The following MLANA variants were observed in gnomAD, a reference collection of about 807,000 sequenced individuals.
MLANA encodes melan-A.
MLANA carries 21 observed loss-of-function variants against 15.7 expected under a neutral mutation model. The ratio of observed to expected loss-of-function variants is 1.33; its 90% CI spans 0.95 to 1.92. The LOEUF (loss-of-function observed/expected upper bound fraction) is 1.92. MLANA is among the 40% of genes most tolerant of loss of function. The pLI, the probability that MLANA is intolerant of heterozygous loss-of-function variation, is 0.00. For missense variants in MLANA, 164 were observed against 143.8 expected, an observed-to-expected ratio of 1.14 and a Z score of -0.72; for synonymous variants, 56 against 51.5, an observed-to-expected ratio of 1.09 and a Z score of -0.37.
At position 5,905,066 on chromosome 9, in the gene MLANA, C is replaced by A. The variant is rs138871174; in HGVS notation, c.175-1819C>A. On this transcript the variant is annotated intron_variant, in intron 3 of 4. Transcript: ENST00000381477. ...GCGATTACAGGTGTGAGCCACCGTGCCCGGCCTTATACTTCTTTTTTACTT... is the reference window on the plus strand; with the variant it reads ...GCGATTACAGGTGTGAGCCACCGTGACCGGCCTTATACTTCTTTTTTACTT... Among the ~76,000 whole-genome samples the A allele has an allele frequency of 4.9e-3, 739 of 152,322 alleles. 5 individuals are homozygous for A. Among genetic ancestry groups the A allele is most frequent in the Middle Eastern group, 0.027 (8 of 294 alleles).
intron 3 of MLANA, among the ~76,000 whole-genome samples, chr9:5,900,269 C>T (rs1351278583): frequency 6.6e-6 from 1 of 152,266 alleles, no homozygotes; most frequent in East Asian, 1.9e-4. Context: ...AAACTCTATG[C>T]CTCCATTCCT....
At position 5,894,268 on chromosome 9, in the gene MLANA, G is replaced by A. The variant is rs1041121695; in HGVS notation, c.77+1717G>A. Among the ~76,000 whole-genome samples, 1 of 152,056 alleles carries A rather than the reference G, an allele frequency of 6.6e-6. No individual in the cohort carries two copies. The highest frequency in any genetic ancestry group is 1.9e-4 in the East Asian group (1 of 5,182). On this transcript the variant is annotated intron_variant, in intron 2 of 4. Coordinates refer to ENST00000381477, the MANE Select transcript of MLANA (RefSeq NM_005511.2). The surrounding 1 kb of genome is among the most constrained non-coding windows in gnomAD (Gnocchi z 4.0). ...CAGGTGTACCCACAACCTGAACAAG[G>A]TAACTTTCAGGGTCTAGTCAGGAAG...
In MLANA at chr9:5,908,796, G is replaced by A; in HGVS notation, c.*88G>A. On this transcript the variant is annotated 3_prime_UTR_variant, in exon 5 of 5. Transcript: ENST00000381477. ...TACAGACATCTAATGTTCTCCTTTGGAATGGTGTAGGAAAAATGCAAGCCA... is the reference window on the plus strand; with the variant it reads ...TACAGACATCTAATGTTCTCCTTTGAAATGGTGTAGGAAAAATGCAAGCCA... 3.0e-6 allele frequency: 4 copies of A among 1,328,166 alleles called. No homozygotes were observed. The South Asian group carries it at 3.7e-5, about 12-fold the overall frequency. The allele number at this position is 1,328,166 out of a possible 1,614,324, so 82.3% of individuals were successfully genotyped here.
chr9:5,896,857 G>T (rs1448470240), intron 2 of MLANA, among the ~76,000 whole-genome samples: 1 of 152,206 alleles, frequency 6.6e-6, no homozygotes, highest in Non-Finnish European at 1.5e-5. Context: ...TTCTCAATAA[G>T]TAATGCCACA....
chr9:5,900,358 A>C (rs534717428), intron 3 of MLANA, among the ~76,000 whole-genome samples: 1 of 152,182 alleles, frequency 6.6e-6, no homozygotes, highest in Admixed American at 6.5e-5. Context: ...TGGTTTATTT[A>C]ATTTCCATAT....
intron 3 of MLANA, among the ~76,000 whole-genome samples, chr9:5,905,651 C>A (rs2129986105): frequency 6.6e-6 from 1 of 152,356 alleles, no homozygotes; most frequent in Admixed American, 6.5e-5. Flanking sequence ...ACTCTTTCAA[C>A]CAGCTGCTAA....
intron 3 of MLANA, among the ~76,000 whole-genome samples, chr9:5,903,161 T>G (rs766120981): frequency 2.6e-5 from 4 of 152,250 alleles, no homozygotes; most frequent in Non-Finnish European, 5.9e-5. Flanking sequence ...TGATTTCTGC[T>G]TTAATTCTAT....
At chr9:5,893,721 A>G (rs1294644749) in intron 2 of MLANA, among the ~76,000 whole-genome samples, 1 of 152,198 alleles carries the variant, frequency 6.6e-6, no homozygotes, top group East Asian at 1.9e-4. Context: ...ATTCAAGAGT[A>G]AAGAGTTCAA....
chr9:5,906,939 G>T lies in MLANA; in HGVS notation c.229G>T (p.Glu77Ter). ...QCALTRRCPQ[E>*]GFDHRDSKVS... is the part of the protein sequence containing the mutation. ...TGCCTTAACAAGAAGATGCCCACAAGAAGGGTTTGATCATCGGGACAGCAA... is the reference window on the plus strand; with the variant it reads ...TGCCTTAACAAGAAGATGCCCACAATAAGGGTTTGATCATCGGGACAGCAA... Residue 77 changes from glutamate (E) to a stop codon, truncating the protein, a stop_gained, in exon 4 of 5, where the codon GAA becomes TAA. Transcript: ENST00000381477. LOFTEE classifies it high-confidence loss of function. The T allele has an allele frequency of 1.3e-6, 2 of 1,598,020 alleles. No individual in the cohort carries two copies. Among genetic ancestry groups the T allele is most frequent in the South Asian group, 1.1e-5 (1 of 88,780 alleles).
At chr9:5,901,377 TAA>T (rs1316668167) in intron 3 of MLANA, among the ~76,000 whole-genome samples, 1 of 152,192 alleles carries the variant, frequency 6.6e-6, no homozygotes, top group African/African-American at 2.4e-5. Context: ...CAAACTTGAG[TAA>T]GTTTCCCTTT....
intron 1 of MLANA, chr9:5,891,172 C>T (rs1222970070): frequency 6.6e-6 from 1 of 152,204 alleles, no homozygotes; most frequent in Admixed American, 6.5e-5. Flanking sequence ...AGGATGGCAT[C>T]TTGCTGGGGA....
At position 5,894,657 on chromosome 9, in the gene MLANA, C is replaced by T. The variant is rs1439457602; in HGVS notation, c.77+2106C>T. Reference sequence around the variant, plus strand: ...AGCTGGCTCTGACAATGCCGGAAAACGAGCTGGTGCTTGGCATATACAGAC... The same window carrying T: ...AGCTGGCTCTGACAATGCCGGAAAATGAGCTGGTGCTTGGCATATACAGAC... On this transcript the variant is annotated intron_variant, in intron 2 of 4. Coordinates refer to ENST00000381477, the MANE Select transcript of MLANA (RefSeq NM_005511.2). The surrounding 1 kb of genome is among the most constrained non-coding windows in gnomAD (Gnocchi z 4.0). Among the ~76,000 whole-genome samples, 3 of 152,276 alleles carry T rather than the reference C, an allele frequency of 2.0e-5. No individual in the cohort carries two copies. The highest frequency in any genetic ancestry group is 6.5e-5 in the Admixed American group (1 of 15,302).
intron 1 of MLANA, 36 bp downstream of exon 1, chr9:5,890,972 T>C (rs1448430403): frequency 6.6e-6 from 1 of 152,164 alleles, no homozygotes; most frequent in Non-Finnish European, 1.5e-5. Context: ...ATCATAGTCC[T>C]CTTCTCCCAG....
chr9:5,895,004 G>A (rs1341605856), intron 2 of MLANA, among the ~76,000 whole-genome samples: 1 of 152,190 alleles, frequency 6.6e-6, no homozygotes, highest in Non-Finnish European at 1.5e-5. Context: ...GGGTCAGGTG[G>A]GTTATCTGAC....
At chr9:5,904,852 C>A (rs1832695716) in intron 3 of MLANA, among the ~76,000 whole-genome samples, 1 of 151,664 alleles carries the variant, frequency 6.6e-6, no homozygotes, top group South Asian at 2.1e-4. Context: ...GGGCTCACTG[C>A]AAGCTCTGCC....
chr9:5,898,711 T>C (rs1016003592), intron 3 of MLANA, among the ~76,000 whole-genome samples: 7 of 152,192 alleles, frequency 4.6e-5, no homozygotes, highest in African/African-American at 1.7e-4. Flanking sequence ...CTGGTTCTGT[T>C]ACTCCACTTT....
intron 3 of MLANA, among the ~76,000 whole-genome samples, chr9:5,904,077 T>G (rs2129972469): frequency 6.6e-6 from 1 of 152,074 alleles, no homozygotes; most frequent in Admixed American, 6.5e-5. Context: ...AGGCTGGTCT[T>G]GAACTCCTGA....
chr9:5,908,074 T>C (rs369184100), intron 4 of MLANA, among the ~76,000 whole-genome samples: 7 of 152,334 alleles, frequency 4.6e-5, no homozygotes, highest in African/African-American at 1.7e-4. Flanking sequence ...GCCAAATTAC[T>C]GTGTTTGATT....
At chr9:5,891,915 C>T (rs1831679803) in intron 1 of MLANA, among the ~76,000 whole-genome samples, 1 of 152,182 alleles carries the variant, frequency 6.6e-6, no homozygotes, top group Admixed American at 6.5e-5. Flanking sequence ...ATGTTGTGCT[C>T]AGTGCTCAAC....
Sources: gnomAD v4.1 joint callset for allele counts (sites outside exome capture counted in the v4.1 genomes callset) on GRCh38, gnomAD v4.1.1 for gene constraint, Gnocchi (gnomAD v3.1) non-coding constraint, MANE v1.5 for transcripts, NCBI Gene and HGNC (gene_info 2026-07-23, HGNC 2026-07-21) for gene names.